C2CD4B: variants seen among roughly 807,000 people sequenced by gnomAD.
C2CD4B encodes C2 calcium dependent domain containing 4B, also known as C2 calcium-dependent domain-containing protein 4B.
For missense variants in C2CD4B, 644 were observed against 577.7 expected, an observed-to-expected ratio of 1.11 and a Z score of -1.18; for synonymous variants, 347 against 284.9, an observed-to-expected ratio of 1.22 and a Z score of -2.20.
At position 62,164,221 on chromosome 15, in the gene C2CD4B, G is replaced by C; in HGVS notation, c.764C>G (p.Ala255Gly). 1 of 1,467,386 alleles carries C rather than the reference G, an allele frequency of 6.8e-7. No homozygotes were observed. 90.9% of individuals were successfully genotyped at this position (1,467,386 alleles called of 1,614,324 possible). A position where few individuals can be genotyped will look rare whatever the true frequency, so the allele number is the denominator to read the frequency against. The change falls in exon 2 of 2, where the codon GCT becomes GGT. Residue 255 changes from alanine (A) to glycine (G), a missense_variant. Physicochemically the swap from Ala to Gly is moderately conservative, Grantham distance 60. Transcript: ENST00000380392. ...CCGGGTTCCCGGACAGTACTCAGCA[G>C]CCAGGCGCAGGGCGTCGCCGGCGCG... ...LGRAGDALRL[A>G]AEYCPGTRRL...
Position 62,164,840 on chromosome 15 carries a change from T to C in C2CD4B, c.145A>G (p.Ile49Val). The C allele has an allele frequency of 2.0e-6, 3 of 1,476,346 alleles. No homozygotes were observed. The highest frequency in any genetic ancestry group is 1.3e-5 in the South Asian group (1 of 74,972). 91.5% of individuals were successfully genotyped at this position (1,476,346 alleles called of 1,614,324 possible). ...CGCCGGGGCACGGCGGCGGCCCGGATTGGAGACTCGAGCGTGCAAGGGGCC... is the reference window on the plus strand; with the variant it reads ...CGCCGGGGCACGGCGGCGGCCCGGACTGGAGACTCGAGCGTGCAAGGGGCC... ...LPAPCTLESP[I>V]RAAAVPRRCA... The change falls in exon 2 of 2, where the codon ATC becomes GTC. Residue 49 changes from isoleucine (I) to valine (V), a missense_variant. By Grantham distance (29) the Ile-to-Val change is conservative (BLOSUM62 3). Transcript: ENST00000380392.
In C2CD4B at chr15:62,164,668, C is replaced by A. The variant is rs1345160179; in HGVS notation, c.317G>T (p.Ser106Ile). Reference sequence around the variant, plus strand: ...CGACTCCTTGCGGCGCGTGTGCGGGCTCTCGAGCAGCGCGCAGAAGCCGTA... The same window carrying A: ...CGACTCCTTGCGGCGCGTGTGCGGGATCTCGAGCAGCGCGCAGAAGCCGTA... ...TTYGFCALLE[S>I]PHTRRKESLL... Residue 106 changes from serine (S) to isoleucine (I), a missense_variant, in exon 2 of 2, where the codon AGC becomes ATC. Physicochemically the swap from Ser to Ile is moderately radical, Grantham distance 142. Coordinates refer to ENST00000380392, the MANE Select transcript of C2CD4B (RefSeq NM_001007595.3). 3.5e-6 allele frequency: 5 copies of A among 1,443,684 alleles called. No individual in the cohort carries two copies. The East Asian group carries it at 1.5e-4, about 44-fold the overall frequency. 89.4% of individuals were successfully genotyped at this position (1,443,684 alleles called of 1,614,324 possible). A position where few individuals can be genotyped will look rare whatever the true frequency, so the allele number is the denominator to read the frequency against.
rs746496104 is a variant in C2CD4B, at chr15:62,163,955, C to A, written c.1030G>T (p.Gly344Cys). ...VRVKARDEGR[G>C]RDRGRLLGQG... Reference sequence around the variant, plus strand: ...CCCAGCAGGCGGCCCCGATCCCGGCCGCGACCCTCATCCCGGGCCTTGACG... The same window carrying A: ...CCCAGCAGGCGGCCCCGATCCCGGCAGCGACCCTCATCCCGGGCCTTGACG... Residue 344 changes from glycine to cysteine, a missense_variant, in exon 2 of 2, where the codon GGC becomes TGC. Coordinates refer to ENST00000380392, the MANE Select transcript of C2CD4B (RefSeq NM_001007595.3). 7 of 1,583,812 alleles carry A rather than the reference C, an allele frequency of 4.4e-6. No individual in the cohort carries two copies. The highest frequency in any genetic ancestry group is 3.4e-6 in the Non-Finnish European group (4 of 1,168,798).
rs756583829 is a variant in C2CD4B at position 62,164,665 on chromosome 15, G to A, written c.320C>T (p.Pro107Leu). The A allele has an allele frequency of 4.9e-6, 7 of 1,434,880 alleles. No individual in the cohort carries two copies. The highest frequency in any genetic ancestry group is 6.1e-5 in the East Asian group (2 of 32,582). 88.9% of individuals were successfully genotyped at this position (1,434,880 alleles called of 1,614,324 possible). A position where few individuals can be genotyped will look rare whatever the true frequency, so the allele number is the denominator to read the frequency against. Residue 107 changes from proline (P) to leucine (L), a missense_variant, in exon 2 of 2, where the codon CCG becomes CTG. Pro to Leu is a moderately conservative substitution (Grantham distance 98, BLOSUM62 -3). Transcript: ENST00000380392. ...TYGFCALLESPHTRRKESLLL... is the reference protein window; with the variant it reads ...TYGFCALLESLHTRRKESLLL... The stretch of plus-strand genomic sequence containing the variant: ...GAGCGACTCCTTGCGGCGCGTGTGC[G>A]GGCTCTCGAGCAGCGCGCAGAAGCC...
Position 62,163,875 on chromosome 15 carries a change from G to C in C2CD4B, c.*15C>G. On this transcript the variant is annotated 3_prime_UTR_variant, in exon 2 of 2. Transcript: ENST00000380392. ...GGAGTCTCCAGGGCAGAGCGCCCCG[G>C]GGAGGGCTGGGCCCTCAGAGCAGCA... 2.7e-6 allele frequency: 4 copies of C among 1,474,274 alleles called. No homozygotes were observed. The highest frequency in any genetic ancestry group is 3.6e-6 in the Non-Finnish European group (4 of 1,119,422). 91.3% of individuals were successfully genotyped at this position (1,474,274 alleles called of 1,614,324 possible).
In C2CD4B at chr15:62,164,109, G is replaced by C; in HGVS notation, c.876C>G (p.Val292=). 3 of 1,506,392 alleles carry C rather than the reference G, an allele frequency of 2.0e-6. No individual in the cohort carries two copies. The highest frequency in any genetic ancestry group is 2.6e-6 in the Non-Finnish European group (3 of 1,134,146). The allele number at this position is 1,506,392 out of a possible 1,614,324, so 93.3% of individuals were successfully genotyped here. The change falls in exon 2 of 2, where the codon GTC becomes GTG. Residue 292 remains valine, a synonymous_variant. Transcript: ENST00000380392. ...PRAVRCRLSL[V]LRPPGTARWQ... ...AACGCGCAGTGCCCGGCGGCCGCAGGACGAGGCTGAGGCGGCAGCGGACGG... is the reference window on the plus strand; with the variant it reads ...AACGCGCAGTGCCCGGCGGCCGCAGCACGAGGCTGAGGCGGCAGCGGACGG...
chr15:62,164,066 C>G lies in C2CD4B; in HGVS notation c.919G>C (p.Val307Leu). 1 of 1,581,986 alleles carries G rather than the reference C, an allele frequency of 6.3e-7. No homozygotes were observed. Among genetic ancestry groups the G allele is most frequent in the South Asian group, 1.1e-5 (1 of 87,042 alleles). Residue 307 changes from valine to leucine, a missense_variant, in exon 2 of 2, where the codon GTG becomes CTG. Physicochemically the swap from Val to Leu is conservative, Grantham distance 32. Transcript: ENST00000380392. ...GTARWQCSAV[V>L]GRSRKASFDQ... is the part of the protein sequence containing the mutation. ...AAGGAGGCCTTGCGGCTGCGCCCCA[C>G]CACAGCGCTGCATTGCCAACGCGCA...
Position 62,163,985 on chromosome 15 carries a change from C to T in C2CD4B, c.1000G>A (p.Val334Ile), listed in dbSNP as rs376936353. The T allele has an allele frequency of 6.3e-7, 1 of 1,599,130 alleles. No individual in the cohort carries two copies. Among genetic ancestry groups the T allele is most frequent in the Non-Finnish European group, 8.5e-7 (1 of 1,175,372 alleles). The change falls in exon 2 of 2, where the codon GTT becomes ATT. Residue 334 changes from valine to isoleucine, a missense_variant. Transcript: ENST00000380392. ...CCCTCATCCCGGGCCTTGACGCGAA[C>T]GGCCAGGCGGCGCACCTCGTCTTCC... is the stretch of plus-strand genomic sequence containing the variant. ...LSEDEVRRLA[V>I]RVKARDEGRG...
In C2CD4B at chr15:62,164,344, C is replaced by G; in HGVS notation, c.641G>C (p.Gly214Ala). Residue 214 changes from glycine to alanine, a missense_variant, in exon 2 of 2, where the codon GGA becomes GCA. Physicochemically the swap from Gly to Ala is moderately conservative, Grantham distance 60. Coordinates refer to ENST00000380392, the MANE Select transcript of C2CD4B (RefSeq NM_001007595.3). ...GGGGGCCCGGGCCGGGGACTCGGAT[C>G]CCGCGCGGCGCTCCTCGTCCTCGTT... ...SGNEDEERRA[G>A]SESPARAPSS... 7.1e-7 allele frequency: 1 copy of G among 1,400,962 alleles called. No individual in the cohort carries two copies. The highest frequency in any genetic ancestry group is 1.6e-5 in the South Asian group (1 of 63,640). The allele number at this position is 1,400,962 out of a possible 1,614,324, so 86.8% of individuals were successfully genotyped here. A position where few individuals can be genotyped will look rare whatever the true frequency, so the allele number is the denominator to read the frequency against.
Position 62,164,691 on chromosome 15 carries a change from G to A in C2CD4B, c.294C>T (p.Tyr98=). 1.6e-5 allele frequency: 23 copies of A among 1,468,276 alleles called. No individual in the cohort carries two copies. The highest frequency in any genetic ancestry group is 2.0e-5 in the Non-Finnish European group (22 of 1,116,778). The allele number at this position is 1,468,276 out of a possible 1,614,324, so 91.0% of individuals were successfully genotyped here. ...GGCTCTCGAGCAGCGCGCAGAAGCC[G>A]TAGGTGGTGCGCACACGGGGCAGGT... ...LPHLPRVRTT[Y]GFCALLESPH... The change falls in exon 2 of 2, where the codon TAC becomes TAT. Residue 98 remains tyrosine, a synonymous_variant. Coordinates refer to ENST00000380392, the MANE Select transcript of C2CD4B (RefSeq NM_001007595.3).
In C2CD4B at chr15:62,164,975, G is replaced by C. The variant is rs1042785239; in HGVS notation, c.10C>G (p.Leu4Val). The C allele has an allele frequency of 2.0e-6, 3 of 1,521,472 alleles. No homozygotes were observed. In the African/African-American group the frequency reaches 4.3e-5, roughly 22 times the overall value. 94.2% of individuals were successfully genotyped at this position (1,521,472 alleles called of 1,614,324 possible). The change falls in exon 2 of 2, where the codon CTC (leucine) becomes GTC (valine). Residue 4 changes from leucine to valine, a missense_variant. Leu to Val is a conservative substitution (Grantham distance 32). Coordinates refer to ENST00000380392, the MANE Select transcript of C2CD4B (RefSeq NM_001007595.3). The part of the protein sequence containing the change: MRL[L>V]EKLCSSAAGS... Reference sequence around the variant, plus strand: ...GCGGCCGAGGAACAGAGTTTCTCGAGGAGCCGCATCCTTGGAGGCTGGGGC... The same window carrying C: ...GCGGCCGAGGAACAGAGTTTCTCGACGAGCCGCATCCTTGGAGGCTGGGGC...
At position 62,164,145 on chromosome 15, in the gene C2CD4B, G is replaced by C. The variant is rs977402255; in HGVS notation, c.840C>G (p.Pro280=). 4.8e-6 allele frequency: 7 copies of C among 1,454,712 alleles called. No homozygotes were observed. Among genetic ancestry groups the C allele is most frequent in the Middle Eastern group, 2.1e-4 (1 of 4,710 alleles). 90.1% of individuals were successfully genotyped at this position (1,454,712 alleles called of 1,614,324 possible). The change falls in exon 2 of 2, where the codon CCC becomes CCG. Residue 280 remains proline, a synonymous_variant. Coordinates refer to ENST00000380392, the MANE Select transcript of C2CD4B (RefSeq NM_001007595.3). ...GGCGGCAGCGGACGGCGCGGGGCCC[G>C]GGGGCGCCTCCGAACAGGCTCTCCG... ...LRAESLFGGA[P]GPRAVRCRLS...
In C2CD4B at chr15:62,163,792, G is replaced by C; in HGVS notation, c.*98C>G. 7.5e-7 allele frequency: 1 copy of C among 1,336,940 alleles called. No individual in the cohort carries two copies. The allele number at this position is 1,336,940 out of a possible 1,614,324, so 82.8% of individuals were successfully genotyped here. ...GAGGAAGTAAAACGTCAATAAAGCA[G>C]TATCATAAATAAAAAAATAAATAAC... On this transcript the variant is annotated 3_prime_UTR_variant, in exon 2 of 2. Transcript: ENST00000380392.
Position 62,164,874 on chromosome 15 carries a change from C to A in C2CD4B, c.111G>T (p.Pro37=). The A allele has an allele frequency of 4.0e-6, 6 of 1,511,910 alleles. No homozygotes were observed. Among genetic ancestry groups the A allele is most frequent in the Non-Finnish European group, 5.3e-6 (6 of 1,134,882 alleles). 93.7% of individuals were successfully genotyped at this position (1,511,910 alleles called of 1,614,324 possible). The part of the protein sequence containing the change: ...PNRIPEFCIP[P]RLPAPCTLES... ...CGAGCGTGCAAGGGGCCGGCAGCCG[C>A]GGCGGGATGCAGAATTCGGGGATGC... Residue 37 remains proline (P), a synonymous_variant, in exon 2 of 2, where the codon CCG becomes CCT. Transcript: ENST00000380392.
At position 62,164,655 on chromosome 15, in the gene C2CD4B, G is replaced by C; in HGVS notation, c.330C>G (p.Arg110=). The part of the protein sequence containing the change: ...FCALLESPHT[R]RKESLLLGGP... ...CCCCGAGCAGGAGCGACTCCTTGCG[G>C]CGCGTGTGCGGGCTCTCGAGCAGCG... Residue 110 remains arginine, a synonymous_variant, in exon 2 of 2, where the codon CGC becomes CGG. Transcript: ENST00000380392. The C allele has an allele frequency of 2.1e-6, 3 of 1,427,692 alleles. No homozygotes were observed. The highest frequency in any genetic ancestry group is 2.7e-6 in the Non-Finnish European group (3 of 1,092,292). The allele number at this position is 1,427,692 out of a possible 1,614,324, so 88.4% of individuals were successfully genotyped here. A position where few individuals can be genotyped will look rare whatever the true frequency, so the allele number is the denominator to read the frequency against.
In C2CD4B at chr15:62,163,758, G is replaced by A. The variant is rs1026777377; in HGVS notation, c.*132C>T. ...TCTTTACCAATAGACGATGACAAAT[G>A]TGGATGGTGAGGAAGTAAAACGTCA... On this transcript the variant is annotated 3_prime_UTR_variant, in exon 2 of 2. Coordinates refer to ENST00000380392, the MANE Select transcript of C2CD4B (RefSeq NM_001007595.3). 16 of 1,213,300 alleles carry A rather than the reference G, an allele frequency of 1.3e-5. No homozygotes were observed. The East Asian group carries it at 3.7e-4, about 28-fold the overall frequency. The allele number at this position is 1,213,300 out of a possible 1,614,324, so 75.2% of individuals were successfully genotyped here.
Position 62,164,386 on chromosome 15 carries a change from C to G in C2CD4B, c.599G>C (p.Arg200Pro), listed in dbSNP as rs917030149. 15 of 1,419,928 alleles carry G rather than the reference C, an allele frequency of 1.1e-5. No individual in the cohort carries two copies. Among genetic ancestry groups the G allele is most frequent in the Non-Finnish European group, 1.3e-5 (14 of 1,093,212 alleles). 88.0% of individuals were successfully genotyped at this position (1,419,928 alleles called of 1,614,324 possible). The change falls in exon 2 of 2, where the codon CGC (arginine) becomes CCC (proline). Residue 200 changes from arginine to proline, a missense_variant. By Grantham distance (103) the Arg-to-Pro change is moderately radical. Transcript: ENST00000380392. ...AGRSRRLARV[R>P]SVSSGNEDEE... ...GTCCTCGTTCCCGCTGGAGACGGAGCGGACGCGGGCCAGGCGGCGACTCCT... is the reference window on the plus strand; with the variant it reads ...GTCCTCGTTCCCGCTGGAGACGGAGGGGACGCGGGCCAGGCGGCGACTCCT...
Position 62,165,023 on chromosome 15 carries a change from G to A in C2CD4B, c.-39C>T, listed in dbSNP as rs775046832. The stretch of plus-strand genomic sequence containing the variant: ...GGCTAGGAGTGGCGGGAAGAGGTGC[G>A]CCTGCGGGGGAGAGAAGCTGCTGAG... On this transcript the variant is annotated splice_region_variant and 5_prime_UTR_variant, in exon 2 of 2. Coordinates refer to ENST00000380392, the MANE Select transcript of C2CD4B (RefSeq NM_001007595.3). 3 of 1,468,180 alleles carry A rather than the reference G, an allele frequency of 2.0e-6. No homozygotes were observed. Among genetic ancestry groups the A allele is most frequent in the Non-Finnish European group, 2.7e-6 (3 of 1,113,820 alleles). 90.9% of individuals were successfully genotyped at this position (1,468,180 alleles called of 1,614,324 possible). A position where few individuals can be genotyped will look rare whatever the true frequency, so the allele number is the denominator to read the frequency against.
chr15:62,163,708 G>T lies in C2CD4B; in HGVS notation c.*182C>A, dbSNP rs1041211732. 3.2e-6 allele frequency: 3 copies of T among 937,040 alleles called. No homozygotes were observed. The highest frequency in any genetic ancestry group is 4.3e-6 in the Non-Finnish European group (3 of 690,340). The allele number at this position is 937,040 out of a possible 1,614,324, so 58.0% of individuals were successfully genotyped here. ...AAGAGATATGGGGGTCCTGTGAACA[G>T]AACAGGGAGTCATTATCTTTTTCTT... On this transcript the variant is annotated 3_prime_UTR_variant, in exon 2 of 2. Coordinates refer to ENST00000380392, the MANE Select transcript of C2CD4B (RefSeq NM_001007595.3).
Sources: allele counts gnomAD v4.1 joint callset, GRCh38; gene constraint gnomAD v4.1.1; transcripts MANE v1.5; gene names NCBI Gene and HGNC (gene_info 2026-07-23, HGNC 2026-07-21).